SMIM20: variants seen among roughly 807,000 people sequenced by gnomAD.
SMIM20 encodes the protein mitochondrial translation regulation assembly intermediate of cytochrome c oxidase protein of 7 kDa.
SMIM20 carries 3 observed loss-of-function variants against 8.7 expected under a neutral mutation model. The observed-to-expected ratio is 0.34, with a 90% CI of 0.16 to 0.89. The LOEUF is 0.89. SMIM20 is among the 40% of genes least tolerant of loss of function. The pLI is 0.49. For missense variants in SMIM20, 85 were observed against 84.8 expected (o/e 1.00, Z -0.01); for synonymous variants, 44 against 33.6 (o/e 1.31, Z -1.07).
In SMIM20 at chr4:25,915,854, T is replaced by TGGGGGGGGG. The variant is rs1267183562; in HGVS notation, c.109+1436_109+1437insGGGGGGGGG. Reference sequence around the variant, plus strand: ...CATTTTTGCTTGTCACAACTTGGGATGGGGCGGGGGGGGGGTCGAGTGTTG... The same window carrying TGGGGGGGGG: ...CATTTTTGCTTGTCACAACTTGGGATGGGGGGGGGGGGGCGGGGGGGGGGTCGAGTGTTG... On this transcript the variant is annotated intron_variant, in intron 1 of 2. Transcript: ENST00000506197. Among the ~76,000 whole-genome samples the TGGGGGGGGG allele has an allele frequency of 4.8e-4, 9 of 18,924 alleles. 1 individual carries two copies. The highest frequency in any genetic ancestry group is 7.2e-4 in the Non-Finnish European group (7 of 9,682). The allele number at this position is 18,924 out of a possible 152,430, so 12.4% of individuals were successfully genotyped here.
chr4:25,929,799 A>G lies in SMIM20; in HGVS notation c.*608A>G, dbSNP rs1711600607. 1.3e-5 allele frequency: 2 copies of G among 152,230 alleles called. No homozygotes were observed. Among genetic ancestry groups the G allele is most frequent in the African/African-American group, 4.8e-5 (2 of 41,466 alleles). 9.4% of individuals were successfully genotyped at this position (152,230 alleles called of 1,614,324 possible). On this transcript the variant is annotated 3_prime_UTR_variant, in exon 3 of 3. Transcript: ENST00000506197. ...TAGAAGTGAAAAAATAGACATTAAA[A>G]TGATTTATTTCTACTTTGCAGTGGT...
chr4:25,923,107 A>G (rs1157559454), intron 1 of SMIM20, among the ~76,000 whole-genome samples: 1 of 152,218 alleles, frequency 6.6e-6, no homozygotes, highest in Admixed American at 6.5e-5. Flanking sequence ...CGCTGGACAG[A>G]TGATGGCATC....
At chr4:25,920,855 C>T (rs1299536074) in intron 1 of SMIM20, among the ~76,000 whole-genome samples, 5 of 152,158 alleles carry the variant, frequency 3.3e-5, no homozygotes, top group Admixed American at 2.0e-4. Context: ...CTGCAGTATT[C>T]AGTACAGTAC....
At chr4:25,917,810 T>C (rs757512612) in intron 1 of SMIM20, among the ~76,000 whole-genome samples, 4 of 152,324 alleles carry the variant, frequency 2.6e-5, no homozygotes, top group Non-Finnish European at 5.9e-5. Context: ...CACAGTGGTC[T>C]TTTCTGGTGA....
At chr4:25,924,270 A>G (rs991719119) in intron 1 of SMIM20, among the ~76,000 whole-genome samples, 19 of 152,234 alleles carry the variant, frequency 1.2e-4, no homozygotes, top group Non-Finnish European at 2.6e-4. Context: ...TCTTTGAAAT[A>G]ATCACCATGG....
intron 1 of SMIM20, among the ~76,000 whole-genome samples, chr4:25,916,559 A>G (rs1719096741): frequency 6.8e-6 from 1 of 148,034 alleles, no homozygotes; most frequent in Non-Finnish European, 1.5e-5. Flanking sequence ...TGGGGATCGT[A>G]ACTGATTCTT....
At chr4:25,915,855 G>GGGGGGA (rs1560386000) in intron 1 of SMIM20, among the ~76,000 whole-genome samples, 1 of 103,626 alleles carries the variant, frequency 9.7e-6, no homozygotes, top group Non-Finnish European at 2.1e-5. Flanking sequence ...AACTTGGGAT[G>GGGGGGA]GGGCGGGGGG....
intron 1 of SMIM20, among the ~76,000 whole-genome samples, chr4:25,915,869 G>GGGGGGGGGGT (rs1719082594): frequency 9.7e-6 from 1 of 103,164 alleles, no homozygotes; most frequent in Non-Finnish European, 2.0e-5. Flanking sequence ...CGGGGGGGGG[G>GGGGGGGGGGT]TCGAGTGTTG....
At chr4:25,914,616 G>T (rs1719042824) in intron 1 of SMIM20, among the ~76,000 whole-genome samples, 194 bp downstream of exon 1, 1 of 152,198 alleles carries the variant, frequency 6.6e-6, no homozygotes, top group South Asian at 2.1e-4. Context: ...CCTCATCTGT[G>T]AATGTTTGTG....
At chr4:25,920,097 T>G (rs1457205291) in intron 1 of SMIM20, among the ~76,000 whole-genome samples, 1 of 152,236 alleles carries the variant, frequency 6.6e-6, no homozygotes, top group African/African-American at 2.4e-5. Context: ...TCTTCTGCCA[T>G]GGTTTTTGAA....
chr4:25,920,961 C>T (rs1009617092), intron 1 of SMIM20, among the ~76,000 whole-genome samples: 1 of 152,180 alleles, frequency 6.6e-6, no homozygotes, highest in Non-Finnish European at 1.5e-5. Context: ...CAAGTACACT[C>T]TATGATGGTT....
chr4:25,929,435 A>G lies in SMIM20; in HGVS notation c.*244A>G. 2 of 470,630 alleles carry G rather than the reference A, an allele frequency of 4.2e-6. No homozygotes were observed. The highest frequency in any genetic ancestry group is 3.9e-5 in the South Asian group (1 of 25,734). 29.2% of individuals were successfully genotyped at this position (470,630 alleles called of 1,614,324 possible). On this transcript the variant is annotated 3_prime_UTR_variant, in exon 3 of 3. Transcript: ENST00000506197. ...GTTTTCATGATTCAGTTGATTTTCC[A>G]AAAATGAAGCTATCTCACCCAGCTG... is the stretch of plus-strand genomic sequence containing the variant.
At position 25,914,308 on chromosome 4, in the gene SMIM20, G is replaced by T. The variant is rs886917103; in HGVS notation, c.-6G>T. 4 of 1,549,524 alleles carry T rather than the reference G, an allele frequency of 2.6e-6. No individual in the cohort carries two copies. Among genetic ancestry groups the T allele is most frequent in the Admixed American group, 3.9e-5 (2 of 50,838 alleles). ...GGCGGGTCAGGGCAGCCCGGGGCCT[G>T]ACGCCATGTCCCGGAACCTGCGCAC... On this transcript the variant is annotated 5_prime_UTR_variant, in exon 1 of 3. Coordinates refer to ENST00000506197, the MANE Select transcript of SMIM20 (RefSeq NM_001145432.3).
chr4:25,915,618 G>C (rs1719069600), intron 1 of SMIM20, among the ~76,000 whole-genome samples: 1 of 152,162 alleles, frequency 6.6e-6, no homozygotes. Flanking sequence ...CCATGCGTGG[G>C]AGTAAGGTGG....
intron 1 of SMIM20, among the ~76,000 whole-genome samples, chr4:25,918,234 G>A (rs1312263427): frequency 1.1e-4 from 16 of 151,844 alleles, no homozygotes; most frequent in Admixed American, 7.9e-4. Context: ...GAGCCACCGC[G>A]CCTGGCCCAG....
intron 1 of SMIM20, among the ~76,000 whole-genome samples, chr4:25,919,351 T>C (rs1487275205): frequency 6.6e-6 from 1 of 152,164 alleles, no homozygotes; most frequent in Non-Finnish European, 1.5e-5. Flanking sequence ...TCTTCTTTTT[T>C]TTTTCTTGAG....
chr4:25,918,880 T>A (rs1213491812), intron 1 of SMIM20, among the ~76,000 whole-genome samples: 1 of 150,502 alleles, frequency 6.6e-6, no homozygotes, highest in Non-Finnish European at 1.5e-5. Flanking sequence ...TTTGTCCTTA[T>A]GTGAATATCT....
At chr4:25,924,308 G>A (rs949985569) in intron 1 of SMIM20, among the ~76,000 whole-genome samples, 1 of 152,094 alleles carries the variant, frequency 6.6e-6, no homozygotes, top group Non-Finnish European at 1.5e-5. Flanking sequence ...TGGACTTTTC[G>A]TATGCATGTT....
At chr4:25,922,483 A>C (rs889567502) in intron 1 of SMIM20, among the ~76,000 whole-genome samples, 1 of 152,154 alleles carries the variant, frequency 6.6e-6, no homozygotes, top group Non-Finnish European at 1.5e-5. Flanking sequence ...TATGAGTAAG[A>C]GGCACCAACT....
Sources: gnomAD v4.1 joint callset for allele counts (sites outside exome capture counted in the v4.1 genomes callset) on GRCh38, gnomAD v4.1.1 for gene constraint, MANE v1.5 for transcripts, NCBI Gene and HGNC (gene_info 2026-07-23, HGNC 2026-07-21) for gene names.